Variants in ADAD1 observed in about 807,000 individuals in gnomAD.
ADAD1 encodes adenosine deaminase domain containing 1, also known as adenosine deaminase domain-containing protein 1.
A neutral mutation model predicts 66.8 loss-of-function variants in ADAD1; 46 were observed. The ratio of observed to expected loss-of-function variants is 0.69; its 90% CI spans 0.54 to 0.88. The LOEUF is 0.88. Ranked by LOEUF, ADAD1 falls within the 40% of genes least tolerant of loss-of-function variation. The probability of loss-of-function intolerance (pLI) is 0.00; values close to 1 mark genes in which losing one functional copy is unlikely to be tolerated. For synonymous variants in ADAD1, 248 were observed against 229.4 expected (o/e 1.08, Z -0.73); for missense variants, 617 against 681.8 (o/e 0.91, Z 1.06).
chr4:122,390,778 T>A (rs758772593), intron 5 of ADAD1, among the ~76,000 whole-genome samples: 1 of 152,244 alleles, frequency 6.6e-6, no homozygotes, highest in Non-Finnish European at 1.5e-5. Context: ...GGTTCTTAGC[T>A]TGCTTCTTTG....
Position 122,380,110 on chromosome 4 carries a change from C to T in ADAD1, c.41C>T (p.Pro14Leu). ...CATTGGTTTCAGAGTTCGCAGGTCC[C>T]CAGCTTTGCCCAGATGCTGAAAAAG... is the stretch of plus-strand genomic sequence containing the variant. ...NNHWFQSSQV[P>L]SFAQMLKKNL... The change falls in exon 3 of 13, where the codon CCC becomes CTC. Residue 14 changes from proline to leucine, a missense_variant. Pro to Leu is a moderately conservative substitution (Grantham distance 98). Coordinates refer to ENST00000296513, the MANE Select transcript of ADAD1 (RefSeq NM_139243.4). 2 of 1,614,022 alleles carry T rather than the reference C, an allele frequency of 1.2e-6. No homozygotes were observed. The highest frequency in any genetic ancestry group is 1.7e-6 in the Non-Finnish European group (2 of 1,179,986).
chr4:122,426,335 TAATTA>T (rs544651723), intron 12 of ADAD1, among the ~76,000 whole-genome samples: 2 of 152,152 alleles, frequency 1.3e-5, no homozygotes, highest in South Asian at 4.1e-4. Flanking sequence ...ATCAAATTAC[TAATTA>T]AATTATTTTC....
chr4:122,422,664 G>C (rs1797056236), intron 12 of ADAD1, among the ~76,000 whole-genome samples: 1 of 151,880 alleles, frequency 6.6e-6, no homozygotes, highest in African/African-American at 2.4e-5. Flanking sequence ...CTAGTTTTGT[G>C]GCATAAAGAA....
chr4:122,418,601 C>A (rs34566917), intron 11 of ADAD1, among the ~76,000 whole-genome samples: 1 of 151,996 alleles, frequency 6.6e-6, no homozygotes, highest in African/African-American at 2.4e-5. Flanking sequence ...GGATTACAGG[C>A]GTGAGCCACC....
intron 6 of ADAD1, among the ~76,000 whole-genome samples, chr4:122,394,354 T>A (rs1021454898): frequency 1.3e-5 from 2 of 152,236 alleles, no homozygotes; most frequent in Non-Finnish European, 2.9e-5. Context: ...TTATTCTTAA[T>A]TTTTACTTTT....
intron 12 of ADAD1, 31 bp downstream of exon 12, chr4:122,421,421 G>A: frequency 6.8e-7 from 1 of 1,469,434 alleles, no homozygotes; most frequent in Non-Finnish European, 9.1e-7. Context: ...AGTTATCATA[G>A]GAATAAAATT....
intron 5 of ADAD1, among the ~76,000 whole-genome samples, chr4:122,390,983 C>T (rs1233778855): frequency 6.6e-6 from 1 of 152,150 alleles, no homozygotes; most frequent in Non-Finnish European, 1.5e-5. Context: ...TCTTTATCAT[C>T]TTCGTGAGGT....
intron 6 of ADAD1, among the ~76,000 whole-genome samples, chr4:122,394,837 T>C (rs112238077): frequency 3.3e-5 from 5 of 152,314 alleles, no homozygotes; most frequent in African/African-American, 1.2e-4. Context: ...AAAGAATATG[T>C]AGTTTTTAAA....
chr4:122,384,353 T>A (rs1329479591), intron 5 of ADAD1, among the ~76,000 whole-genome samples: 3 of 152,228 alleles, frequency 2.0e-5, no homozygotes, highest in Non-Finnish European at 2.9e-5. Flanking sequence ...GTAGAATTAC[T>A]TGAGAAAATG....
At chr4:122,426,469 C>T (rs926725723) in intron 12 of ADAD1, among the ~76,000 whole-genome samples, 1 of 152,164 alleles carries the variant, frequency 6.6e-6, no homozygotes, top group South Asian at 2.1e-4. Context: ...AAACACTTCT[C>T]TACTCATTTT....
chr4:122,386,539 A>G (rs1795181295), intron 5 of ADAD1, among the ~76,000 whole-genome samples: 2 of 152,158 alleles, frequency 1.3e-5, no homozygotes. Flanking sequence ...CTTCAGTTTA[A>G]TTAGATCACA....
At chr4:122,413,600 A>G (rs1171653472) in intron 10 of ADAD1, among the ~76,000 whole-genome samples, 2 of 152,002 alleles carry the variant, frequency 1.3e-5, no homozygotes, top group African/African-American at 4.8e-5. Context: ...TCCTTTTCAT[A>G]TACTGATTTG....
At chr4:122,410,317 C>T (rs546466672) in intron 8 of ADAD1, among the ~76,000 whole-genome samples, 1 of 152,114 alleles carries the variant, frequency 6.6e-6, no homozygotes, top group East Asian at 1.9e-4. Flanking sequence ...TATTCCTGTG[C>T]TTGGCGTTTT....
In ADAD1 at chr4:122,411,270, G is replaced by C; in HGVS notation, c.897G>C (p.Met299Ile). 6.2e-7 allele frequency: 1 copy of C among 1,611,192 alleles called. No homozygotes were observed. Among genetic ancestry groups the C allele is most frequent in the Non-Finnish European group, 8.5e-7 (1 of 1,179,130 alleles). ...TCTTCTACAGCAAAAATCCTGCTAT[G>C]ATGGAAAAATCAATATTTTGTACAG... ...LLLFYSKNPA[M>I]MEKSIFCTEP... The change falls in exon 9 of 13, where the codon ATG becomes ATC. Residue 299 changes from methionine (M) to isoleucine (I), a missense_variant. Coordinates refer to ENST00000296513, the MANE Select transcript of ADAD1 (RefSeq NM_139243.4).
At chr4:122,402,019 C>G (rs910617909) in intron 7 of ADAD1, among the ~76,000 whole-genome samples, 1 of 151,128 alleles carries the variant, frequency 6.6e-6, no homozygotes, top group Non-Finnish European at 1.5e-5. Flanking sequence ...GGGTACTGTT[C>G]TATTCATCAT....
At chr4:122,383,405 G>A (rs1794998135) in intron 4 of ADAD1, among the ~76,000 whole-genome samples, 1 of 152,128 alleles carries the variant, frequency 6.6e-6, no homozygotes, top group African/African-American at 2.4e-5. Flanking sequence ...TTTTAAAGAC[G>A]TTTGTATTTA....
Position 122,380,142 on chromosome 4 carries a change from C to T in ADAD1, c.73C>T (p.Pro25Ser). ...SFAQMLKKNL[P>S]VQPATKTITT... Reference sequence around the variant, plus strand: ...TGCCCAGATGCTGAAAAAGAACCTGCCAGTTCAACCAGCGACAAAGACGAT... The same window carrying T: ...TGCCCAGATGCTGAAAAAGAACCTGTCAGTTCAACCAGCGACAAAGACGAT... The change falls in exon 3 of 13, where the codon CCA (proline) becomes TCA (serine). Residue 25 changes from proline (P) to serine (S), a missense_variant. Pro to Ser is a moderately conservative substitution (Grantham distance 74, BLOSUM62 -1). Coordinates refer to ENST00000296513, the MANE Select transcript of ADAD1 (RefSeq NM_139243.4). The T allele has an allele frequency of 6.2e-7, 1 of 1,614,096 alleles. No individual in the cohort carries two copies. Among genetic ancestry groups the T allele is most frequent in the East Asian group, 2.2e-5 (1 of 44,878 alleles).
chr4:122,412,218 T>C lies in ADAD1; in HGVS notation c.1020-362T>C, dbSNP rs377265249. Among the ~76,000 whole-genome samples the C allele has an allele frequency of 2.0e-3, 301 of 152,282 alleles. 1 individual carries two copies. The highest frequency in any genetic ancestry group is 6.7e-3 in the African/African-American group (277 of 41,578). On this transcript the variant is annotated intron_variant, in intron 9 of 12. Transcript: ENST00000296513. ...TGAAGATGACAAAGAAAAATAGTTT[T>C]CCTTTTTTTCATTCTTTCATTTTGT... is the stretch of plus-strand genomic sequence containing the variant.
At chr4:122,421,719 G>A (rs1206338284) in intron 12 of ADAD1, among the ~76,000 whole-genome samples, 1 of 151,940 alleles carries the variant, frequency 6.6e-6, no homozygotes, top group African/African-American at 2.4e-5. Context: ...ACTAACTATA[G>A]AATGTTAAGT....
Sources: allele counts gnomAD v4.1 joint callset (sites outside exome capture counted in the v4.1 genomes callset), GRCh38; gene constraint gnomAD v4.1.1; transcripts MANE v1.5; gene names NCBI Gene and HGNC (gene_info 2026-07-23, HGNC 2026-07-21).